The following UGGT2 variants were observed in gnomAD, a reference collection of about 807,000 sequenced individuals.
UGGT2 encodes UDP-glucose glycoprotein glucosyltransferase 2.
Under a neutral mutation model 192.1 loss-of-function variants are expected in UGGT2, and 180 were observed. The ratio of observed to expected loss-of-function variants is 0.94; its 90% confidence interval spans 0.83 to 1.06. UGGT2 has a LOEUF of 1.06. UGGT2 is among the 50% of genes least tolerant of loss of function. The pLI is 0.00. For synonymous variants in UGGT2, 580 were observed against 591.0 expected (o/e 0.98, Z 0.27); for missense variants, 1,849 against 1,795.7 (o/e 1.03, Z -0.54).
At position 95,926,520 on chromosome 13, in the gene UGGT2, G is replaced by A. The variant is rs548130300; in HGVS notation, c.2200+508C>T. Among the ~76,000 whole-genome samples the A allele has an allele frequency of 5.9e-5, 9 of 152,130 alleles. No homozygotes were observed. The East Asian group carries it at 1.2e-3, about 20-fold the overall frequency. ...AAGCAAAACAAAAACCACCAAATTC[G>A]AATTATATTCATCTATCTGAATAGT... On this transcript the variant is annotated intron_variant, in intron 19 of 38. Coordinates refer to ENST00000376747, the MANE Select transcript of UGGT2 (RefSeq NM_020121.4).
chr13:95,996,452 T>C (rs7332683), intron 6 of UGGT2, among the ~76,000 whole-genome samples: 60,369 of 150,568 alleles, frequency 0.4, 12,246 homozygotes, highest in Middle Eastern at 0.45. Context: ...ACTGAGATCG[T>C]GCCACTGCAC....
At chr13:96,045,801 G>A (rs1021001923) in intron 1 of UGGT2, among the ~76,000 whole-genome samples, 1 of 152,038 alleles carries the variant, frequency 6.6e-6, no homozygotes, top group Non-Finnish European at 1.5e-5. Context: ...ATCTCTACAA[G>A]GAAAACTACA....
At position 95,853,545 on chromosome 13, in the gene UGGT2, G is replaced by A; in HGVS notation, c.4282C>T (p.Gln1428Ter). ...QDPNSLSNLD[Q>*]DLPNNMIYQV... ...TATTCTGTTAACATTTTACTTACCT[G>A]ATCTAGGTTTGAAAGACTGTTTGGA... The change falls in exon 36 of 39, where the codon CAG becomes TAG. Residue 1428 changes from glutamine (Q) to a stop codon, truncating the protein, a stop_gained and splice_region_variant. Transcript: ENST00000376747. LOFTEE classifies it high-confidence loss of function. The A allele has an allele frequency of 7.4e-6, 12 of 1,612,622 alleles. No individual in the cohort carries two copies. Among genetic ancestry groups the A allele is most frequent in the Non-Finnish European group, 7.6e-6 (9 of 1,179,128 alleles).
chr13:96,015,752 AG>A (rs1324574859), intron 4 of UGGT2, among the ~76,000 whole-genome samples: 1 of 152,254 alleles, frequency 6.6e-6, no homozygotes, highest in Non-Finnish European at 1.5e-5. Context: ...TAGAGATTTT[AG>A]TTCTAGAAAT....
At chr13:95,839,254 T>C (rs1391062101) in intron 36 of UGGT2, among the ~76,000 whole-genome samples, 2 of 152,148 alleles carry the variant, frequency 1.3e-5, no homozygotes, top group African/African-American at 2.4e-5. Flanking sequence ...GTCTACTCTG[T>C]TGTCACTTAG....
intron 24 of UGGT2, among the ~76,000 whole-genome samples, chr13:95,893,784 C>T (rs1485363406): frequency 1.3e-5 from 2 of 152,050 alleles, no homozygotes; most frequent in Non-Finnish European, 2.9e-5. Context: ...GCTACTTTTA[C>T]AATTAACGAG....
At chr13:95,927,452 TTACAA>T (rs772825353) in intron 17 of UGGT2, 116 bp from the exon 18 acceptor site, 37 of 863,024 alleles carry the variant, frequency 4.3e-5, no homozygotes, top group Non-Finnish European at 5.8e-5. Flanking sequence ...TTTAGAATTA[TTACAA>T]TACATTTTCT....
rs2051210363 is a variant in UGGT2, at chr13:95,983,927, C to T, written c.1032-63G>A. 3.7e-6 allele frequency: 4 copies of T among 1,090,088 alleles called. No individual in the cohort carries two copies. The South Asian group carries it at 8.3e-5, about 22-fold the overall frequency. 67.5% of individuals were successfully genotyped at this position (1,090,088 alleles called of 1,614,324 possible). A position where few individuals can be genotyped will look rare whatever the true frequency, so the allele number is the denominator to read the frequency against. On this transcript the variant is annotated intron_variant, in intron 9 of 38. Coordinates refer to ENST00000376747, the MANE Select transcript of UGGT2 (RefSeq NM_020121.4). ...AAATGTTTAGAACTGATCTATATAACCCAATGTAATCTAATACTTTGGATA... is the reference window on the plus strand; with the variant it reads ...AAATGTTTAGAACTGATCTATATAATCCAATGTAATCTAATACTTTGGATA...
chr13:95,922,399 C>T (rs1013600350), intron 20 of UGGT2, among the ~76,000 whole-genome samples: 2 of 152,152 alleles, frequency 1.3e-5, no homozygotes, highest in Non-Finnish European at 2.9e-5. Flanking sequence ...AAGCTCCAGC[C>T]TCAGCATCAC....
intron 10 of UGGT2, among the ~76,000 whole-genome samples, chr13:95,979,056 C>T (rs1041764364): frequency 5.9e-5 from 9 of 152,126 alleles, no homozygotes; most frequent in African/African-American, 2.2e-4. Flanking sequence ...TTCCACTCTG[C>T]TGAATCATAA....
intron 24 of UGGT2, among the ~76,000 whole-genome samples, chr13:95,893,050 G>A (rs2047846281): frequency 6.6e-6 from 1 of 152,130 alleles, no homozygotes; most frequent in African/African-American, 2.4e-5. Flanking sequence ...CTAATATAGA[G>A]ATCTTTCAGG....
intron 7 of UGGT2, chr13:95,991,543 ATATAG>A: frequency 2.4e-6 from 1 of 416,154 alleles, no homozygotes; most frequent in South Asian, 1.8e-5. Flanking sequence ...GAATAAATAT[ATATAG>A]TACAGTGTCA....
At chr13:96,011,147 G>A (rs1012790138) in intron 5 of UGGT2, among the ~76,000 whole-genome samples, 3 of 151,942 alleles carry the variant, frequency 2.0e-5, no homozygotes, top group Non-Finnish European at 4.4e-5. Flanking sequence ...ACTATAAAAC[G>A]CTTAGAATAA....
intron 4 of UGGT2, among the ~76,000 whole-genome samples, chr13:96,017,590 T>C (rs2052378645): frequency 6.6e-6 from 1 of 152,230 alleles, no homozygotes; most frequent in African/African-American, 2.4e-5. Flanking sequence ...AATCGGTACA[T>C]ACCAGTAATT....
At chr13:96,031,667 A>C (rs1438260366) in intron 2 of UGGT2, among the ~76,000 whole-genome samples, 3 of 152,154 alleles carry the variant, frequency 2.0e-5, no homozygotes, top group Non-Finnish European at 4.4e-5. Flanking sequence ...TCCAAACATG[A>C]CTAATTATAT....
At chr13:95,869,706 G>A (rs1891055322) in intron 29 of UGGT2, among the ~76,000 whole-genome samples, 1 of 152,112 alleles carries the variant, frequency 6.6e-6, no homozygotes, top group Non-Finnish European at 1.5e-5. Context: ...TGAAACCTCT[G>A]GATACATGAG....
In UGGT2 at chr13:95,994,961, G is replaced by A. The variant is rs191348842; in HGVS notation, c.830+1102C>T. The stretch of plus-strand genomic sequence containing the variant: ...GCATATTTAACAGTTACCAACCATA[G>A]GTATCGAAAGTCTTAAATTTCAAAT... On this transcript the variant is annotated intron_variant, in intron 7 of 38. Transcript: ENST00000376747. Among the ~76,000 whole-genome samples the A allele has an allele frequency of 4.6e-5, 7 of 152,056 alleles. No homozygotes were observed. In the East Asian group the frequency reaches 1.4e-3, roughly 29 times the overall value.
chr13:95,859,786 C>CT, intron 32 of UGGT2, 111 bp from the exon 33 acceptor site: 1 of 782,216 alleles, frequency 1.3e-6, no homozygotes, highest in Non-Finnish European at 1.9e-6. Context: ...TTAAATTTTA[C>CT]TTTAAGTTCT....
chr13:95,883,499 G>A (rs1445735976), intron 27 of UGGT2, among the ~76,000 whole-genome samples: 3 of 152,124 alleles, frequency 2.0e-5, no homozygotes, highest in Non-Finnish European at 4.4e-5. Context: ...CCACGTCAGG[G>A]GAGGGGCCTG....
Sources: gnomAD v4.1 joint callset for allele counts (sites outside exome capture counted in the v4.1 genomes callset) on GRCh38, gnomAD v4.1.1 for gene constraint, MANE v1.5 for transcripts, NCBI Gene and HGNC (gene_info 2026-07-23, HGNC 2026-07-21) for gene names.